The following MTARC2 variants were observed in gnomAD, a reference collection of about 807,000 sequenced individuals.
The protein encoded by MTARC2 is MOCO sulphurase C-terminal domain containing 2.
MTARC2 carries 27 observed loss-of-function variants against 35.6 expected under a neutral mutation model. The ratio of observed to expected loss-of-function variants is 0.76; its 90% confidence interval spans 0.56 to 1.04. The LOEUF is 1.04. Among genes scored for constraint, MTARC2 ranks in the 50% least tolerant of loss-of-function variants. The pLI is 0.00. For synonymous variants in MTARC2, 158 were observed against 167.1 expected (o/e 0.95, Z 0.42); for missense variants, 412 against 432.5 (o/e 0.95, Z 0.42).
intron 7 of MTARC2, among the ~76,000 whole-genome samples, chr1:220,782,980 C>A (rs558566334): frequency 2.8e-4 from 42 of 152,304 alleles, no homozygotes; most frequent in African/African-American, 1.0e-3. Flanking sequence ...TGCCATCATT[C>A]CATCATGATC....
In MTARC2 at chr1:220,780,077, C is replaced by A; in HGVS notation, c.810C>A (p.Pro270=). The A allele has an allele frequency of 6.4e-7, 1 of 1,553,908 alleles. No homozygotes were observed. Among genetic ancestry groups the A allele is most frequent in the Non-Finnish European group, 8.6e-7 (1 of 1,159,144 alleles). ...AAGTGAAAAAGGTAATGGCATGCCC[C>A]AGGTAAGGAGCCTAGCTAGACCCCA... is the stretch of plus-strand genomic sequence containing the variant. ...SVEVKKVMAC[P]RCILTTVDPD... The change falls in exon 5 of 8, where the codon CCC becomes CCA. Residue 270 remains proline (P), a splice_region_variant and synonymous_variant. Transcript: ENST00000366913.
At chr1:220,753,810 G>T (rs1240617902) in intron 1 of MTARC2, among the ~76,000 whole-genome samples, 1 of 152,176 alleles carries the variant, frequency 6.6e-6, no homozygotes, top group Non-Finnish European at 1.5e-5. Flanking sequence ...CAGTACTTTG[G>T]GAGGCTGAGG....
chr1:220,758,407 T>C (rs989865502), intron 2 of MTARC2, among the ~76,000 whole-genome samples: 2 of 151,702 alleles, frequency 1.3e-5, no homozygotes, highest in Non-Finnish European at 2.9e-5. Context: ...CACAAGTATT[T>C]ATGAATAATT....
At chr1:220,776,676 G>T (rs1279686739) in intron 4 of MTARC2, among the ~76,000 whole-genome samples, 2 of 152,128 alleles carry the variant, frequency 1.3e-5, no homozygotes, top group Non-Finnish European at 2.9e-5. Flanking sequence ...CGGCCTTGCG[G>T]TTGTCTAACA....
intron 2 of MTARC2, among the ~76,000 whole-genome samples, chr1:220,756,101 A>C (rs1671272480): frequency 6.6e-6 from 1 of 152,184 alleles, no homozygotes; most frequent in Non-Finnish European, 1.5e-5. Flanking sequence ...CTGGCCAAAG[A>C]CACACCTCAG....
chr1:220,782,041 G>C, intron 7 of MTARC2, 109 bp downstream of exon 7: 3 of 965,640 alleles, frequency 3.1e-6, no homozygotes, highest in Non-Finnish European at 4.5e-6. Flanking sequence ...AGAATGAACA[G>C]TTTTATATTC....
chr1:220,758,729 C>T (rs1203760042), intron 2 of MTARC2, among the ~76,000 whole-genome samples: 1 of 152,122 alleles, frequency 6.6e-6, no homozygotes, highest in Non-Finnish European at 1.5e-5. Context: ...TGATTATTGT[C>T]TTAAAAGGTG....
chr1:220,775,703 C>T (rs1671884841), intron 4 of MTARC2, among the ~76,000 whole-genome samples: 1 of 152,280 alleles, frequency 6.6e-6, no homozygotes, highest in Non-Finnish European at 1.5e-5. Context: ...AGTAGGCTCC[C>T]GTGTCTGTTG....
rs1353973746 is a variant in MTARC2 at position 220,748,632 on chromosome 1, C to G, written c.101C>G (p.Ala34Gly). 1 of 1,518,198 alleles carries G rather than the reference C, an allele frequency of 6.6e-7. No individual in the cohort carries two copies. Among genetic ancestry groups the G allele is most frequent in the Non-Finnish European group, 8.8e-7 (1 of 1,138,292 alleles). 94.0% of individuals were successfully genotyped at this position (1,518,198 alleles called of 1,614,324 possible). ...GCCGCGCTAGGACTGGCCGCCGTGG[C>G]CCTGGGGACTGTCGCCTGGCGCCGC... ...GVAALGLAAV[A>G]LGTVAWRRAW... is the part of the protein sequence containing the mutation. Residue 34 changes from alanine to glycine, a missense_variant, in exon 1 of 8, where the codon GCC (alanine) becomes GGC (glycine). Ala to Gly is a moderately conservative substitution (Grantham distance 60, BLOSUM62 0). Coordinates refer to ENST00000366913, the MANE Select transcript of MTARC2 (RefSeq NM_017898.5).
chr1:220,775,400 C>A (rs1671873406), intron 4 of MTARC2, among the ~76,000 whole-genome samples: 1 of 152,114 alleles, frequency 6.6e-6, no homozygotes. Context: ...GTCATTGGGG[C>A]CTGGATTTCG....
Position 220,761,659 on chromosome 1 carries a change from A to T in MTARC2, c.448A>T (p.Ile150Leu). 1 of 1,608,084 alleles carries T rather than the reference A, an allele frequency of 6.2e-7. No homozygotes were observed. The highest frequency in any genetic ancestry group is 8.5e-7 in the Non-Finnish European group (1 of 1,178,566). ...GGTGTTCTTTTGTGACCTTTCCAGG[A>T]TATTTGGCCTTGACATTAAAGGCAG... ...PSSNKLHNCR[I>L]FGLDIKGRDC... The change falls in exon 3 of 8, where the codon ATA becomes TTA. Residue 150 changes from isoleucine to leucine, a missense_variant and splice_region_variant. Coordinates refer to ENST00000366913, the MANE Select transcript of MTARC2 (RefSeq NM_017898.5).
chr1:220,770,819 C>G (rs1001735145), intron 4 of MTARC2, among the ~76,000 whole-genome samples: 1 of 152,246 alleles, frequency 6.6e-6, no homozygotes, highest in Non-Finnish European at 1.5e-5. Flanking sequence ...CCGTAACCTC[C>G]CCTGAGAGGA....
intron 4 of MTARC2, 111 bp downstream of exon 4, chr1:220,763,161 C>CTCATTGCTGCTGCCATCAT: frequency 7.1e-7 from 1 of 1,410,408 alleles, no homozygotes; most frequent in Non-Finnish European, 9.9e-7. Flanking sequence ...CAGTCATTCA[C>CTCATTGCTGCTGCCATCAT]TCATTGCTGC....
At chr1:220,756,578 A>G (rs1015782570) in intron 2 of MTARC2, among the ~76,000 whole-genome samples, 14 of 152,220 alleles carry the variant, frequency 9.2e-5, no homozygotes, top group African/African-American at 3.1e-4. Context: ...TAGGGAGAAG[A>G]AAAGCTTTTC....
chr1:220,778,821 A>C (rs915773824), intron 4 of MTARC2, among the ~76,000 whole-genome samples: 14 of 152,180 alleles, frequency 9.2e-5, no homozygotes, highest in African/African-American at 3.4e-4. Context: ...ACCAGAAGGA[A>C]AGTGTCATGC....
intron 1 of MTARC2, among the ~76,000 whole-genome samples, chr1:220,751,184 C>T (rs1354219515): frequency 6.6e-6 from 1 of 152,136 alleles, no homozygotes; most frequent in Admixed American, 6.5e-5. Flanking sequence ...ACTAACTGTT[C>T]CAAGGAGCTG....
intron 2 of MTARC2, among the ~76,000 whole-genome samples, chr1:220,760,018 C>T (rs1671398909): frequency 6.6e-6 from 1 of 152,112 alleles, no homozygotes; most frequent in African/African-American, 2.4e-5. Flanking sequence ...ATGAGCCTTC[C>T]CACGGGGAGG....
chr1:220,758,931 T>C (rs1372904115), intron 2 of MTARC2, among the ~76,000 whole-genome samples: 3 of 152,154 alleles, frequency 2.0e-5, no homozygotes, highest in African/African-American at 4.8e-5. Flanking sequence ...GGATATTAGG[T>C]CTTAAATAGC....
chr1:220,761,955 G>C (rs1671449477), intron 3 of MTARC2, 135 bp downstream of exon 3: 1 of 863,390 alleles, frequency 1.2e-6, no homozygotes. Context: ...GTGATAATGA[G>C]GGCACAGCCT....
Sources: gnomAD v4.1 joint callset for allele counts (sites outside exome capture counted in the v4.1 genomes callset) on GRCh38, gnomAD v4.1.1 for gene constraint, MANE v1.5 for transcripts, NCBI Gene and HGNC (gene_info 2026-07-23, HGNC 2026-07-21) for gene names.